Variants in GABRB1 observed in about 807,000 individuals in gnomAD.
GABRB1 encodes gamma-aminobutyric acid receptor subunit beta-1.
Under a neutral mutation model 51.6 loss-of-function variants are expected in GABRB1, and 17 were observed. That is an observed-to-expected ratio of 0.33 (90% CI 0.23 to 0.49). The LOEUF is 0.49. Among genes scored for constraint, GABRB1 ranks in the 20% least tolerant of loss-of-function variants. GABRB1 has a pLI of 0.99. For synonymous variants in GABRB1, 247 were observed against 218.9 expected, an observed-to-expected ratio of 1.13 and a Z score of -1.14; for missense variants, 410 against 600.6, an observed-to-expected ratio of 0.68 and a Z score of 3.32.
chr4:47,038,184 A>G (rs1301834487), intron 3 of GABRB1, among the ~76,000 whole-genome samples: 1 of 152,192 alleles, frequency 6.6e-6, no homozygotes, highest in East Asian at 1.9e-4. Context: ...TAGGTGAGTC[A>G]ATCACAAGAA....
intron 1 of GABRB1, among the ~76,000 whole-genome samples, chr4:47,017,764 T>A (rs1042924825): frequency 1.3e-5 from 2 of 152,160 alleles, no homozygotes; most frequent in Non-Finnish European, 2.9e-5. Flanking sequence ...ATCTGACTCA[T>A]CTCTCAATCA....
Position 47,371,264 on chromosome 4 carries a change from A to T in GABRB1, c.545-32054A>T, listed in dbSNP as rs544858757. Among the ~76,000 whole-genome samples, 6 of 152,292 alleles carry T rather than the reference A, an allele frequency of 3.9e-5. No homozygotes were observed. In the South Asian group the frequency reaches 1.2e-3, roughly 32 times the overall value. On this transcript the variant is annotated intron_variant, in intron 5 of 8. Transcript: ENST00000295454. ...CATCCATGGCCCTGGAAAGAACATGATATCATTCCTTTTTATGGCTGCATA... is the reference window on the plus strand; with the variant it reads ...CATCCATGGCCCTGGAAAGAACATGTTATCATTCCTTTTTATGGCTGCATA...
intron 5 of GABRB1, among the ~76,000 whole-genome samples, chr4:47,385,545 C>G (rs975132560): frequency 2.6e-5 from 4 of 152,174 alleles, no homozygotes; most frequent in African/African-American, 9.7e-5. Flanking sequence ...AAATTGAAAA[C>G]TCTGAACTGC....
chr4:47,299,746 A>G (rs1401915798), intron 4 of GABRB1, among the ~76,000 whole-genome samples: 1 of 152,130 alleles, frequency 6.6e-6, no homozygotes, highest in Non-Finnish European at 1.5e-5. Flanking sequence ...CTGGGTATAT[A>G]CCCAAAGGAC....
intron 3 of GABRB1, among the ~76,000 whole-genome samples, chr4:47,061,375 G>A (rs1253506458): frequency 6.6e-6 from 1 of 152,140 alleles, no homozygotes. Context: ...TTGATTAAAT[G>A]GTTACTTTTG....
At chr4:47,230,588 G>A (rs542147264) in intron 4 of GABRB1, among the ~76,000 whole-genome samples, 95 of 152,232 alleles carry the variant, frequency 6.2e-4, no homozygotes, top group African/African-American at 2.2e-3. Flanking sequence ...GCAGTGCTGT[G>A]GGACAAGTCA....
At chr4:47,267,927 G>A (rs978940507) in intron 4 of GABRB1, among the ~76,000 whole-genome samples, 4 of 152,102 alleles carry the variant, frequency 2.6e-5, no homozygotes, top group African/African-American at 7.2e-5. Flanking sequence ...TTAAAAAGAT[G>A]CACTTGAAGG....
chr4:47,128,079 A>G (rs1003115941), intron 3 of GABRB1, among the ~76,000 whole-genome samples: 1 of 151,756 alleles, frequency 6.6e-6, no homozygotes, highest in African/African-American at 2.4e-5. Context: ...GGGTGTCTGA[A>G]TAATGCCCAT....
intron 4 of GABRB1, among the ~76,000 whole-genome samples, chr4:47,173,392 T>C (rs927949733): frequency 6.6e-6 from 1 of 152,178 alleles, no homozygotes; most frequent in Non-Finnish European, 1.5e-5. Context: ...CAAAGGAATT[T>C]CATCTCTTTT....
At chr4:47,270,727 A>G (rs1056797444) in intron 4 of GABRB1, among the ~76,000 whole-genome samples, 7 of 151,022 alleles carry the variant, frequency 4.6e-5, no homozygotes, top group African/African-American at 1.7e-4. Flanking sequence ...TGTCTTCAAA[A>G]ATAACCTTTC....
At chr4:47,351,492 C>T (rs1260371315) in intron 5 of GABRB1, among the ~76,000 whole-genome samples, 1 of 151,764 alleles carries the variant, frequency 6.6e-6, no homozygotes, top group East Asian at 1.9e-4. Flanking sequence ...ATGTGCCATG[C>T]TAGTGTGCTG....
intron 5 of GABRB1, among the ~76,000 whole-genome samples, chr4:47,343,263 G>T (rs1330686737): frequency 6.6e-6 from 1 of 152,118 alleles, no homozygotes; most frequent in Non-Finnish European, 1.5e-5. Context: ...ACAAGGAGAA[G>T]TGAGGAATTT....
chr4:47,275,394 T>C (rs563201128), intron 4 of GABRB1, among the ~76,000 whole-genome samples: 1 of 152,276 alleles, frequency 6.6e-6, no homozygotes, highest in Admixed American at 6.5e-5. Context: ...CCTGCGTTCC[T>C]GTCCTCATTC....
intron 1 of GABRB1, among the ~76,000 whole-genome samples, chr4:47,007,010 T>C (rs747293553): frequency 6.6e-6 from 1 of 152,036 alleles, no homozygotes; most frequent in Non-Finnish European, 1.5e-5. Context: ...CATGGTAGCA[T>C]GTACTTGTTG....
intron 4 of GABRB1, among the ~76,000 whole-genome samples, chr4:47,180,635 G>T (rs1487729240): frequency 6.6e-6 from 1 of 151,878 alleles, no homozygotes; most frequent in Non-Finnish European, 1.5e-5. Flanking sequence ...ATCTCATTTT[G>T]TACTGTCTAA....
chr4:47,034,930 A>C lies in GABRB1; in HGVS notation c.240+2446A>C, dbSNP rs150609845. The stretch of plus-strand genomic sequence containing the variant: ...ATTAAGCATGTTTCGGTGCCCTGAT[A>C]GGCAGTAACTTGAGTAATTTAATAG... On this transcript the variant is annotated intron_variant, in intron 3 of 8. Coordinates refer to ENST00000295454, the MANE Select transcript of GABRB1 (RefSeq NM_000812.4). Among the ~76,000 whole-genome samples, 696 of 152,274 alleles carry C rather than the reference A, an allele frequency of 4.6e-3. 7 individuals carry two copies. The highest frequency in any genetic ancestry group is 0.015 in the African/African-American group (632 of 41,564).
At chr4:47,069,217 C>T (rs940108081) in intron 3 of GABRB1, among the ~76,000 whole-genome samples, 1 of 152,130 alleles carries the variant, frequency 6.6e-6, no homozygotes, top group African/African-American at 2.4e-5. Context: ...TGCCTAAACC[C>T]GTGTTGTCAT....
At chr4:47,307,530 C>T (rs1406445010) in intron 4 of GABRB1, among the ~76,000 whole-genome samples, 1 of 151,908 alleles carries the variant, frequency 6.6e-6, no homozygotes, top group Non-Finnish European at 1.5e-5. Context: ...CAACACAGGC[C>T]TTATTTTAAT....
intron 4 of GABRB1, among the ~76,000 whole-genome samples, chr4:47,287,989 C>G (rs1298287450): frequency 6.6e-6 from 1 of 152,182 alleles, no homozygotes; most frequent in Non-Finnish European, 1.5e-5. Context: ...AACTTGATTG[C>G]AACCTTGTGA....
Sources: gnomAD v4.1 joint callset for allele counts (sites outside exome capture counted in the v4.1 genomes callset) on GRCh38, gnomAD v4.1.1 for gene constraint, MANE v1.5 for transcripts, NCBI Gene and HGNC (gene_info 2026-07-23, HGNC 2026-07-21) for gene names.